G2E3: variants seen among roughly 807,000 people sequenced by gnomAD.
G2E3 encodes the protein G2/M-phase specific E3 ubiquitin protein ligase, also known as G2/M phase-specific E3 ubiquitin-protein ligase.
In G2E3, 35 loss-of-function variants were observed where a neutral mutation model predicts 92.8. The ratio of observed to expected loss-of-function variants is 0.38; its 90% CI spans 0.29 to 0.50. The LOEUF (loss-of-function observed/expected upper bound fraction) is 0.50, where lower values mean the gene tolerates loss of function less well. Ranked by LOEUF, G2E3 falls within the 20% of genes least tolerant of loss-of-function variation. The pLI is 0.94. For missense variants in G2E3, 554 were observed against 823.8 expected (o/e 0.67, Z 4.01); for synonymous variants, 242 against 272.4 (o/e 0.89, Z 1.10).
At chr14:30,602,171 T>A in intron 10 of G2E3, 40 bp downstream of exon 10, 3 of 1,479,964 alleles carry the variant, frequency 2.0e-6, no homozygotes, top group Non-Finnish European at 2.8e-6. Flanking sequence ...AAAATCTATT[T>A]GGAGAAAATT....
chr14:30,570,705 A>G (rs1406391854), intron 1 of G2E3, among the ~76,000 whole-genome samples: 3 of 151,780 alleles, frequency 2.0e-5, no homozygotes, highest in Non-Finnish European at 4.4e-5. Flanking sequence ...CTACTTCTTT[A>G]TTGATATTCT....
rs1228100517 is a variant in G2E3 at position 30,605,813 on chromosome 14, G to C, written c.1318+1G>C. Reference sequence around the variant, plus strand: ...AAGAACTTGTCTCTAAATTCTCAAGGTAATTATTTTATTTATTGTTGTATA... The same window carrying C: ...AAGAACTTGTCTCTAAATTCTCAAGCTAATTATTTTATTTATTGTTGTATA... On this transcript the variant is annotated splice_donor_variant, in intron 11 of 14. Transcript: ENST00000206595. LOFTEE classifies it high-confidence loss of function. 1 of 1,488,734 alleles carries C rather than the reference G, an allele frequency of 6.7e-7. No homozygotes were observed. The highest frequency in any genetic ancestry group is 9.1e-7 in the Non-Finnish European group (1 of 1,100,948). The allele number at this position is 1,488,734 out of a possible 1,614,324, so 92.2% of individuals were successfully genotyped here.
intron 1 of G2E3, among the ~76,000 whole-genome samples, chr14:30,571,918 G>T: frequency 6.7e-6 from 1 of 148,406 alleles, no homozygotes. Flanking sequence ...TTTTATATAG[G>T]TTTTAGAATC....
At chr14:30,609,074 T>G (rs1042252866) in intron 12 of G2E3, among the ~76,000 whole-genome samples, 7 of 152,250 alleles carry the variant, frequency 4.6e-5, no homozygotes, top group African/African-American at 1.7e-4. Context: ...ATATTAATCT[T>G]ACTAAACCTC....
chr14:30,609,504 A>G (rs188254687), intron 12 of G2E3, among the ~76,000 whole-genome samples: 1 of 152,006 alleles, frequency 6.6e-6, no homozygotes, highest in Admixed American at 6.6e-5. Flanking sequence ...AATGCTTCTT[A>G]CTTCTTCTTA....
In G2E3 at chr14:30,598,484, G is replaced by A. The variant is rs1463182906; in HGVS notation, c.637G>A (p.Asp213Asn). Residue 213 changes from aspartate (D) to asparagine (N), a missense_variant and splice_region_variant, in exon 8 of 15, where the codon GAT becomes AAT. Transcript: ENST00000206595. ...CATATTTTATATCTTCTTTTATAGA[G>A]ATGCTTCCTGGGAATTAGAGGAAAA... ...LRMGIHIPEK[D>N]ASWELEENAY... 6.4e-7 allele frequency: 1 copy of A among 1,564,222 alleles called. No individual in the cohort carries two copies. Among genetic ancestry groups the A allele is most frequent in the Non-Finnish European group, 8.8e-7 (1 of 1,134,592 alleles).
chr14:30,592,492 T>C (rs769914027), intron 5 of G2E3, 45 bp downstream of exon 5: 3 of 1,394,764 alleles, frequency 2.2e-6, no homozygotes, highest in South Asian at 2.8e-5. Context: ...TGTTAAAGAA[T>C]AGTGGAAAAT....
At chr14:30,559,304 C>G (rs1878943861) in intron 1 of G2E3, 32 bp downstream of exon 1, 1 of 152,318 alleles carries the variant, frequency 6.6e-6, no homozygotes, top group Non-Finnish European at 1.5e-5. Context: ...AGACGCAGAA[C>G]GTTCCAGAGA....
In G2E3 at chr14:30,602,128, T is replaced by G; in HGVS notation, c.1007T>G (p.Leu336Arg). The stretch of plus-strand genomic sequence containing the variant: ...CCTGGATCCCAGAGTAAAGATCTAC[T>G]GAGGTATGTATTTTGAATTGGAGAA... ...QSPGSQSKDL[L>R]RQGSKFRRNV... Residue 336 changes from leucine to arginine, a missense_variant, in exon 10 of 15, where the codon CTG (leucine) becomes CGG (arginine). Coordinates refer to ENST00000206595, the MANE Select transcript of G2E3 (RefSeq NM_017769.5). 1 of 1,599,404 alleles carries G rather than the reference T, an allele frequency of 6.3e-7. No homozygotes were observed. Among genetic ancestry groups the G allele is most frequent in the Non-Finnish European group, 8.5e-7 (1 of 1,173,802 alleles).
chr14:30,589,505 TTAAG>T, intron 4 of G2E3, 21 bp downstream of exon 4: 1 of 1,138,236 alleles, frequency 8.8e-7, no homozygotes. Flanking sequence ...TATTTTACTA[TTAAG>T]TAATGTCATA....
chr14:30,590,593 C>T, intron 4 of G2E3: 1 of 447,448 alleles, frequency 2.2e-6, no homozygotes, highest in Admixed American at 2.4e-5. Flanking sequence ...ACAAGGGAAG[C>T]ACATAAGAAA....
chr14:30,581,164 T>C (rs1405501462), intron 2 of G2E3, 48 bp downstream of exon 2: 1 of 1,008,282 alleles, frequency 9.9e-7, no homozygotes, highest in Admixed American at 1.8e-5. Context: ...GTGTTTTAAA[T>C]ATGTTACTTA....
chr14:30,600,436 G>A (rs1333600643), intron 8 of G2E3, among the ~76,000 whole-genome samples: 1 of 152,146 alleles, frequency 6.6e-6, no homozygotes, highest in Non-Finnish European at 1.5e-5. Flanking sequence ...TGTGTTACTT[G>A]ATCTAGTGAC....
chr14:30,589,759 T>C (rs1880903119), intron 4 of G2E3, among the ~76,000 whole-genome samples: 1 of 152,060 alleles, frequency 6.6e-6, no homozygotes, highest in Admixed American at 6.6e-5. Context: ...AGAATTATGA[T>C]CTGATGGTCA....
intron 1 of G2E3, among the ~76,000 whole-genome samples, chr14:30,572,377 A>AG (rs907131375): frequency 6.6e-6 from 1 of 152,170 alleles, no homozygotes; most frequent in Non-Finnish European, 1.5e-5. Flanking sequence ...GGTTGAAAAA[A>AG]TTTATTTTAC....
chr14:30,613,772 T>A (rs1594515567), intron 13 of G2E3, among the ~76,000 whole-genome samples: 1 of 152,072 alleles, frequency 6.6e-6, no homozygotes, highest in Non-Finnish European at 1.5e-5. Context: ...ATTCAGATTC[T>A]CTATTGCATG....
intron 10 of G2E3, among the ~76,000 whole-genome samples, chr14:30,605,251 T>C (rs182308921): frequency 1.1e-3 from 163 of 152,304 alleles, no homozygotes; most frequent in Admixed American, 2.4e-3. Flanking sequence ...GAGATAATTA[T>C]CTATCAACTT....
In G2E3 at chr14:30,619,159, ATTTTTAGTT is replaced by A. The variant is rs1446495948; in HGVS notation, c.*2627_*2635del. On this transcript the variant is annotated 3_prime_UTR_variant, in exon 15 of 15. Coordinates refer to ENST00000206595, the MANE Select transcript of G2E3 (RefSeq NM_017769.5). ...GAAACTTACAATTTTATACTTTGTA[ATTTTTAGTT>A]TCTGTAATTTGAGGAAGTGACTTTT... 6.6e-6 allele frequency: 1 copy of A among 152,058 alleles called. No homozygotes were observed. The highest frequency in any genetic ancestry group is 1.5e-5 in the Non-Finnish European group (1 of 67,928). The allele number at this position is 152,058 out of a possible 1,614,324, so 9.4% of individuals were successfully genotyped here. A position where few individuals can be genotyped will look rare whatever the true frequency, so the allele number is the denominator to read the frequency against.
At chr14:30,572,628 C>T (rs925445356) in intron 1 of G2E3, among the ~76,000 whole-genome samples, 8 of 152,092 alleles carry the variant, frequency 5.3e-5, no homozygotes, top group Non-Finnish European at 1.2e-4. Context: ...ACTTTTTTCA[C>T]CCCTTATTGT....
Sources: allele counts gnomAD v4.1 joint callset (sites outside exome capture counted in the v4.1 genomes callset), GRCh38; gene constraint gnomAD v4.1.1; transcripts MANE v1.5; gene names NCBI Gene and HGNC (gene_info 2026-07-23, HGNC 2026-07-21).